Variants in PIK3AP1 observed in about 807,000 individuals in gnomAD.
The protein encoded by PIK3AP1 is phosphoinositide-3-kinase adaptor protein 1.
A neutral mutation model predicts 88.1 loss-of-function variants in PIK3AP1; 21 were observed. That is an observed-to-expected ratio of 0.24 (90% CI 0.17 to 0.34). The LOEUF is 0.34. Ranked by LOEUF, PIK3AP1 falls within the 10% of genes least tolerant of loss-of-function variation. PIK3AP1 has a pLI of 1.00. For missense variants in PIK3AP1, 828 were observed against 1,035.7 expected (o/e 0.80, Z 2.75); for synonymous variants, 398 against 400.0 (o/e 1.00, Z 0.06).
intron 1 of PIK3AP1, among the ~76,000 whole-genome samples, chr10:96,711,916 A>G (rs1296774294): frequency 6.7e-6 from 1 of 150,092 alleles, no homozygotes; most frequent in Non-Finnish European, 1.5e-5. Context: ...ACGCCCGGCT[A>G]ATTTTTTTTT....
intron 2 of PIK3AP1, among the ~76,000 whole-genome samples, chr10:96,680,158 G>A (rs1394672623): frequency 6.6e-6 from 1 of 152,136 alleles, no homozygotes; most frequent in Non-Finnish European, 1.5e-5. Context: ...ATTCTAGTCA[G>A]CCAGTTTCCT....
chr10:96,673,511 G>C (rs1843876223), intron 2 of PIK3AP1, among the ~76,000 whole-genome samples: 1 of 152,146 alleles, frequency 6.6e-6, no homozygotes, highest in Non-Finnish European at 1.5e-5. Flanking sequence ...CCCCCGAAAG[G>C]CTTCCTCTTT....
intron 2 of PIK3AP1, among the ~76,000 whole-genome samples, chr10:96,702,670 G>GT (rs1844314034): frequency 1.3e-5 from 2 of 151,216 alleles, no homozygotes; most frequent in African/African-American, 4.9e-5. Context: ...GTGTGCTGAT[G>GT]TATGTGTTAA....
intron 8 of PIK3AP1, among the ~76,000 whole-genome samples, chr10:96,640,765 C>T (rs1474238989): frequency 6.6e-6 from 1 of 151,892 alleles, no homozygotes; most frequent in Non-Finnish European, 1.5e-5. Flanking sequence ...TCAAGCGATT[C>T]TCCCACCAGA....
chr10:96,604,934 A>G (rs1308694255), intron 14 of PIK3AP1, among the ~76,000 whole-genome samples: 1 of 151,992 alleles, frequency 6.6e-6, no homozygotes. Flanking sequence ...ATCTCGGCTC[A>G]GTGCAACCTC....
chr10:96,707,556 G>T (rs576345769), intron 2 of PIK3AP1, among the ~76,000 whole-genome samples: 2 of 152,268 alleles, frequency 1.3e-5, no homozygotes, highest in African/African-American at 4.8e-5. Flanking sequence ...GCCTCCCAAA[G>T]TGCTGGGATT....
chr10:96,598,809 C>G (rs964048751), intron 16 of PIK3AP1, among the ~76,000 whole-genome samples: 1 of 152,138 alleles, frequency 6.6e-6, no homozygotes, highest in Non-Finnish European at 1.5e-5. Flanking sequence ...AGGAAGACAG[C>G]ATTCCAGGCA....
chr10:96,716,458 C>T (rs1007875519), intron 1 of PIK3AP1, among the ~76,000 whole-genome samples: 2 of 152,152 alleles, frequency 1.3e-5, no homozygotes, highest in African/African-American at 4.8e-5. Flanking sequence ...AGACCAATTA[C>T]TAAGTCTAGG....
In PIK3AP1 at chr10:96,595,289, T is replaced by C; in HGVS notation, c.*288A>G. 1 of 410,638 alleles carries C rather than the reference T, an allele frequency of 2.4e-6. No homozygotes were observed. The highest frequency in any genetic ancestry group is 4.4e-6 in the Non-Finnish European group (1 of 228,266). The allele number at this position is 410,638 out of a possible 1,614,324, so 25.4% of individuals were successfully genotyped here. ...GATCATTCTTTTTAGGCTTCTGATA[T>C]GGCAAATTAGAGGTAAGTATTTCGA... On this transcript the variant is annotated 3_prime_UTR_variant, in exon 17 of 17. Transcript: ENST00000339364.
chr10:96,594,754 T>A lies in PIK3AP1; in HGVS notation c.*823A>T, dbSNP rs578179596. ...ACTGCGTTGAAACCATACTGAAGTA[T>A]AAATTCCCAAATTGGAAAGAAAACA... On this transcript the variant is annotated 3_prime_UTR_variant, in exon 17 of 17. Coordinates refer to ENST00000339364, the MANE Select transcript of PIK3AP1 (RefSeq NM_152309.3). This position sits in a 1 kb window ranked among gnomAD's most constrained non-coding sequence, Gnocchi z 4.6. 1.5e-4 allele frequency: 23 copies of A among 152,338 alleles called. No individual in the cohort carries two copies. The highest frequency in any genetic ancestry group is 5.3e-4 in the African/African-American group (22 of 41,578). 9.4% of individuals were successfully genotyped at this position (152,338 alleles called of 1,614,324 possible).
At chr10:96,601,094 C>G (rs1215171335) in intron 16 of PIK3AP1, among the ~76,000 whole-genome samples, 2 of 151,798 alleles carry the variant, frequency 1.3e-5, no homozygotes, top group African/African-American at 4.8e-5. Context: ...AAAAAGATCA[C>G]TTATATTGCT....
At chr10:96,676,911 G>A (rs989922426) in intron 2 of PIK3AP1, among the ~76,000 whole-genome samples, 7 of 152,064 alleles carry the variant, frequency 4.6e-5, no homozygotes, top group African/African-American at 1.5e-4. Context: ...CAGACTCAAG[G>A]ACGGACTGAA....
At chr10:96,672,769 TCTAA>T (rs1313054238) in intron 2 of PIK3AP1, among the ~76,000 whole-genome samples, 1 of 152,206 alleles carries the variant, frequency 6.6e-6, no homozygotes, top group Admixed American at 6.5e-5. Flanking sequence ...GCTGGGGCCC[TCTAA>T]CTTTCTTCCA....
chr10:96,631,422 G>A (rs1843242940), intron 8 of PIK3AP1, among the ~76,000 whole-genome samples: 2 of 152,256 alleles, frequency 1.3e-5, no homozygotes. Flanking sequence ...AAAACTGAAG[G>A]AGCTATAAAG....
At chr10:96,652,021 G>C (rs1843545403) in intron 4 of PIK3AP1, among the ~76,000 whole-genome samples, 1 of 152,144 alleles carries the variant, frequency 6.6e-6, no homozygotes, top group African/African-American at 2.4e-5. Context: ...ATCATGGGAG[G>C]TGAAACTGTG....
At chr10:96,618,106 A>C (rs1178947572) in intron 12 of PIK3AP1, among the ~76,000 whole-genome samples, 1 of 152,204 alleles carries the variant, frequency 6.6e-6, no homozygotes. Flanking sequence ...AGGGAACCAA[A>C]CAATGTGAGC....
At chr10:96,607,144 T>C (rs943163032) in intron 14 of PIK3AP1, among the ~76,000 whole-genome samples, 1 of 152,114 alleles carries the variant, frequency 6.6e-6, no homozygotes, top group African/African-American at 2.4e-5. Context: ...TTTTAGGGTG[T>C]GATTCAGGGG....
At chr10:96,608,209 C>G (rs988467064) in intron 14 of PIK3AP1, among the ~76,000 whole-genome samples, 1 of 152,212 alleles carries the variant, frequency 6.6e-6, no homozygotes, top group African/African-American at 2.4e-5. Context: ...CACTCTCCTT[C>G]CCCACCCTGG....
chr10:96,609,014 C>G (rs1264548518), intron 14 of PIK3AP1, among the ~76,000 whole-genome samples: 1 of 152,214 alleles, frequency 6.6e-6, no homozygotes, highest in African/African-American at 2.4e-5. Context: ...CGGCTCCTGC[C>G]TGATGCATCA....
Sources: allele counts gnomAD v4.1 joint callset (sites outside exome capture counted in the v4.1 genomes callset), GRCh38; gene constraint gnomAD v4.1.1; non-coding constraint Gnocchi (gnomAD v3.1); transcripts MANE v1.5; gene names NCBI Gene and HGNC (gene_info 2026-07-23, HGNC 2026-07-21).